CALCOCO1: variants seen among roughly 807,000 people sequenced by gnomAD.
CALCOCO1 encodes calcium binding and coiled-coil domain 1, also known as calcium-binding and coiled-coil domain-containing protein 1.
In CALCOCO1, 44 loss-of-function variants were observed where a neutral mutation model predicts 86.3. The observed-to-expected ratio is 0.51, with a 90% CI of 0.40 to 0.66. The LOEUF is 0.66. Ranked by LOEUF, CALCOCO1 falls within the 30% of genes least tolerant of loss-of-function variation. The pLI, the probability that CALCOCO1 is intolerant of heterozygous loss-of-function variation, is 0.00. For synonymous variants in CALCOCO1, 297 were observed against 327.6 expected, an observed-to-expected ratio of 0.91 and a Z score of 1.01; for missense variants, 708 against 851.1, an observed-to-expected ratio of 0.83 and a Z score of 2.09.
rs945451129 is a variant in CALCOCO1 at position 53,711,554 on chromosome 12, G to A, written c.*390C>T. 4 of 297,830 alleles carry A rather than the reference G, an allele frequency of 1.3e-5. No individual in the cohort carries two copies. Among genetic ancestry groups the A allele is most frequent in the Non-Finnish European group, 2.5e-5 (4 of 163,258 alleles). The allele number at this position is 297,830 out of a possible 1,614,324, so 18.4% of individuals were successfully genotyped here. A position where few individuals can be genotyped will look rare whatever the true frequency, so the allele number is the denominator to read the frequency against. On this transcript the variant is annotated 3_prime_UTR_variant, in exon 15 of 15. Transcript: ENST00000550804. ...AAATAAGAGAGGGTAGGGTGCCCCA[G>A]GAATTGGCTTTGGGGCATCAGACAA...
In CALCOCO1 at chr12:53,711,069, G is replaced by A; in HGVS notation, c.*875C>T. ...TCTAAGAGCTGGAGGTCTGGGCCCT[G>A]TGTTCCAGTCACACCTCATGATAAG... On this transcript the variant is annotated 3_prime_UTR_variant, in exon 15 of 15. Transcript: ENST00000550804. The A allele has an allele frequency of 2.6e-6, 1 of 381,204 alleles. No homozygotes were observed. Among genetic ancestry groups the A allele is most frequent in the South Asian group, 1.4e-4 (1 of 7,036 alleles). The allele number at this position is 381,204 out of a possible 1,614,324, so 23.6% of individuals were successfully genotyped here. A position where few individuals can be genotyped will look rare whatever the true frequency, so the allele number is the denominator to read the frequency against.
At chr12:53,721,420 G>C in intron 6 of CALCOCO1, 47 bp downstream of exon 6, 1 of 1,533,780 alleles carries the variant, frequency 6.5e-7, no homozygotes, top group South Asian at 1.3e-5. Flanking sequence ...GGAGTGCGGG[G>C]GTCATGGAAG....
At chr12:53,714,021 A>G in intron 12 of CALCOCO1, 112 bp downstream of exon 12, 1 of 1,311,688 alleles carries the variant, frequency 7.6e-7, no homozygotes, top group Non-Finnish European at 1.1e-6. Flanking sequence ...GGGAAAGAAA[A>G]GGCAAAACAC....
chr12:53,719,911 T>G (rs1005947143), intron 6 of CALCOCO1, 82 bp from the exon 7 acceptor site: 2 of 898,372 alleles, frequency 2.2e-6, no homozygotes, highest in Non-Finnish European at 3.6e-6. Context: ...TGTGCTCTGC[T>G]GCTGCTGCTC....
In CALCOCO1 at chr12:53,718,840, CTTTTTTTTTTTTT is replaced by C. The variant is rs35114054; in HGVS notation, c.849+886_849+898del. On this transcript the variant is annotated intron_variant, in intron 7 of 14. Coordinates refer to ENST00000550804, the MANE Select transcript of CALCOCO1 (RefSeq NM_020898.3). ...CTACCACGCCCAGCCATGGCCCTCCCTTTTTTTTTTTTTTTTTTTTTTTTTGGCACAGAGTCTC... is the reference window on the plus strand; with the variant it reads ...CTACCACGCCCAGCCATGGCCCTCCCTTTTTTTTTTTTGGCACAGAGTCTC... Among the ~76,000 whole-genome samples, 4 of 75,636 alleles carry C rather than the reference CTTTTTTTTTTTTT, an allele frequency of 5.3e-5. No homozygotes were observed. In the South Asian group the frequency reaches 1.8e-3, roughly 35 times the overall value. The allele number at this position is 75,636 out of a possible 152,430, so 49.6% of individuals were successfully genotyped here.
rs766285846 is a variant in CALCOCO1, at chr12:53,714,056, C to A, written c.1591+77G>T. On this transcript the variant is annotated intron_variant, in intron 12 of 14. Transcript: ENST00000550804. ...CATAGAAGGCAAAGGCAGCTCCCAG[C>A]AAGGTTACATGGAGCCTTCCTCAAC... The A allele has an allele frequency of 2.9e-6, 4 of 1,380,264 alleles. No individual in the cohort carries two copies. The South Asian group carries it at 3.5e-5, about 12-fold the overall frequency. 85.5% of individuals were successfully genotyped at this position (1,380,264 alleles called of 1,614,324 possible).
In CALCOCO1 at chr12:53,708,814, A is replaced by AGG. The variant is rs1400059024; in HGVS notation, c.*3128_*3129dup. Reference sequence around the variant, plus strand: ...TACGTGGTATGTCAAAGGATAACTGAGGGCAGTCAAGTAAGGCTCCATGTA... The same window carrying AGG: ...TACGTGGTATGTCAAAGGATAACTGAGGGGGCAGTCAAGTAAGGCTCCATGTA... On this transcript the variant is annotated 3_prime_UTR_variant, in exon 15 of 15. Transcript: ENST00000550804. 6.6e-6 allele frequency: 1 copy of AGG among 152,198 alleles called. No individual in the cohort carries two copies. Among genetic ancestry groups the AGG allele is most frequent in the Non-Finnish European group, 1.5e-5 (1 of 68,038 alleles). The allele number at this position is 152,198 out of a possible 1,614,324, so 9.4% of individuals were successfully genotyped here.
chr12:53,718,823 C>T (rs1461272961), intron 7 of CALCOCO1, among the ~76,000 whole-genome samples: 1 of 151,226 alleles, frequency 6.6e-6, no homozygotes, highest in East Asian at 1.9e-4. Flanking sequence ...AGCTACCACG[C>T]CCAGCCATGG....
chr12:53,716,426 T>C lies in CALCOCO1; in HGVS notation c.850-11A>G. ...CACTTGGAGCTCAGCCTGAGGGAAGTGGAAAGCAGGTAAGGAAAGGGGTAT... is the reference window on the plus strand; with the variant it reads ...CACTTGGAGCTCAGCCTGAGGGAAGCGGAAAGCAGGTAAGGAAAGGGGTAT... On this transcript the variant is annotated splice_polypyrimidine_tract_variant and intron_variant, in intron 7 of 14. Coordinates refer to ENST00000550804, the MANE Select transcript of CALCOCO1 (RefSeq NM_020898.3). The C allele has an allele frequency of 1.9e-6, 3 of 1,614,078 alleles. No individual in the cohort carries two copies. The highest frequency in any genetic ancestry group is 2.5e-6 in the Non-Finnish European group (3 of 1,179,992).
intron 4 of CALCOCO1, among the ~76,000 whole-genome samples, chr12:53,722,613 C>G (rs1441668478): frequency 6.6e-6 from 1 of 152,126 alleles, no homozygotes; most frequent in African/African-American, 2.4e-5. Context: ...GTTGCCCAGG[C>G]TGGAGTGCAG....
chr12:53,715,441 G>T, intron 9 of CALCOCO1, 116 bp from the exon 10 acceptor site: 1 of 1,380,970 alleles, frequency 7.2e-7, no homozygotes, highest in Non-Finnish European at 9.9e-7. Context: ...ATCATTTTTA[G>T]AGCACTTTCC....
At chr12:53,712,730 G>T (rs753154401) in intron 14 of CALCOCO1, 2 of 1,085,208 alleles carry the variant, frequency 1.8e-6, no homozygotes, top group Non-Finnish European at 2.4e-6. Context: ...ATCCCTGGGG[G>T]CCATGGTCAC....
chr12:53,719,004 C>A (rs1287271360), intron 7 of CALCOCO1, among the ~76,000 whole-genome samples: 1 of 151,574 alleles, frequency 6.6e-6, no homozygotes, highest in African/African-American at 2.4e-5. Context: ...CCTGACACCA[C>A]ACCTGGCTAA....
At chr12:53,714,452 G>A in intron 11 of CALCOCO1, 146 bp downstream of exon 11, 1 of 690,604 alleles carries the variant, frequency 1.4e-6, no homozygotes, top group Middle Eastern at 2.5e-4. Context: ...CCGCTGTCCT[G>A]CCAAATCAGC....
intron 7 of CALCOCO1, among the ~76,000 whole-genome samples, chr12:53,718,877 T>C (rs1288432894): frequency 8.0e-6 from 1 of 125,404 alleles, no homozygotes; most frequent in Admixed American, 9.3e-5. Context: ...GCACAGAGTC[T>C]CACTCTGTTG....
intron 7 of CALCOCO1, among the ~76,000 whole-genome samples, chr12:53,718,446 T>G (rs1367716845): frequency 1.3e-5 from 2 of 152,202 alleles, no homozygotes; most frequent in African/African-American, 2.4e-5. Context: ...TTCAGTGAGA[T>G]TCCACACAAG....
chr12:53,714,693 C>T lies in CALCOCO1; in HGVS notation c.1387G>A (p.Val463Ile). ...TCCCGCTTACTTTCTGACAACTGTA[C>T]CTGAGGGAAGAGGGCCCAATGGAAT... is the stretch of plus-strand genomic sequence containing the variant. The part of the protein sequence containing the change: ...ELAREKDSSL[V>I]QLSESKRELT... The change falls in exon 11 of 15, where the codon GTA (valine) becomes ATA (isoleucine). Residue 463 changes from valine to isoleucine, a missense_variant and splice_region_variant. Transcript: ENST00000550804. 5.6e-6 allele frequency: 9 copies of T among 1,612,002 alleles called. No individual in the cohort carries two copies. The highest frequency in any genetic ancestry group is 7.6e-6 in the Non-Finnish European group (9 of 1,178,706).
In CALCOCO1 at chr12:53,724,670, G is replaced by A; in HGVS notation, c.234C>T (p.Pro78=). 1 of 1,613,828 alleles carries A rather than the reference G, an allele frequency of 6.2e-7. No individual in the cohort carries two copies. Among genetic ancestry groups the A allele is most frequent in the South Asian group, 1.1e-5 (1 of 91,010 alleles). ...CTTGGAACTGGACACTGGTGTGAAT[G>A]GGGGAACCATCAGTTGTACTTTCAG... ...SVPESTTDGS[P]IHTSVQFQAS... is the part of the protein sequence containing the mutation. The change falls in exon 3 of 15, where the codon CCC becomes CCT. Residue 78 remains proline (P), a synonymous_variant. Coordinates refer to ENST00000550804, the MANE Select transcript of CALCOCO1 (RefSeq NM_020898.3).
At chr12:53,724,816 G>A in intron 2 of CALCOCO1, 69 bp from the exon 3 acceptor site, 1 of 1,302,624 alleles carries the variant, frequency 7.7e-7, no homozygotes, top group South Asian at 1.3e-5. Flanking sequence ...AGAAAGGGCT[G>A]AGGGGTTGAA....
Sources: gnomAD v4.1 joint callset for allele counts (sites outside exome capture counted in the v4.1 genomes callset) on GRCh38, gnomAD v4.1.1 for gene constraint, MANE v1.5 for transcripts, NCBI Gene and HGNC (gene_info 2026-07-23, HGNC 2026-07-21) for gene names.